The following BICRAL variants were observed in gnomAD, a reference collection of about 807,000 sequenced individuals.
The protein encoded by BICRAL is BICRA like chromatin remodeling complex associated protein, also known as BRD4-interacting chromatin-remodeling complex-associated protein-like.
A neutral mutation model predicts 91.8 loss-of-function variants in BICRAL; 8 were observed. The observed-to-expected ratio is 0.09, with a 90% CI of 0.05 to 0.16. The LOEUF (loss-of-function observed/expected upper bound fraction) is 0.16, where lower values mean the gene tolerates loss of function less well. Ranked by LOEUF, BICRAL falls within the 10% of genes least tolerant of loss-of-function variation. The pLI is 1.00. For missense variants in BICRAL, 1,038 were observed against 1,310.9 expected, an observed-to-expected ratio of 0.79 and a Z score of 3.21; for synonymous variants, 445 against 491.1, an observed-to-expected ratio of 0.91 and a Z score of 1.24.
At chr6:42,796,397 G>A (rs1349157205) in intron 1 of BICRAL, among the ~76,000 whole-genome samples, 2 of 152,162 alleles carry the variant, frequency 1.3e-5, no homozygotes, top group African/African-American at 2.4e-5. Context: ...AGTTCTGGGC[G>A]TGGCAAGGTA....
chr6:42,860,203 G>A, intron 10 of BICRAL, 59 bp from the exon 11 acceptor site: 2 of 958,450 alleles, frequency 2.1e-6, no homozygotes, highest in Non-Finnish European at 3.4e-6. Context: ...TTAAGAAACA[G>A]AAGACCTAGT....
chr6:42,831,942 T>G (rs1438952565), intron 6 of BICRAL, among the ~76,000 whole-genome samples: 1 of 151,794 alleles, frequency 6.6e-6, no homozygotes, highest in Non-Finnish European at 1.5e-5. Context: ...TTTCACCATG[T>G]CGCCCAGGCT....
At chr6:42,760,959 T>A (rs1220425265) in intron 1 of BICRAL, among the ~76,000 whole-genome samples, 1 of 149,626 alleles carries the variant, frequency 6.7e-6, no homozygotes, top group African/African-American at 2.5e-5. Context: ...GAGGTGGAGG[T>A]TGCAGTCAGC....
At chr6:42,757,256 C>T (rs1762476185) in intron 1 of BICRAL, among the ~76,000 whole-genome samples, 1 of 124,424 alleles carries the variant, frequency 8.0e-6, no homozygotes, top group South Asian at 2.5e-4. Flanking sequence ...TTTTTTTTAA[C>T]TCTTTTTTTT....
intron 2 of BICRAL, among the ~76,000 whole-genome samples, chr6:42,812,697 T>C (rs1002659944): frequency 2.6e-5 from 4 of 152,040 alleles, no homozygotes; most frequent in Admixed American, 2.0e-4. Flanking sequence ...TCTGAAGATA[T>C]ATGAATAGAA....
intron 1 of BICRAL, among the ~76,000 whole-genome samples, chr6:42,769,980 T>C (rs1762694599): frequency 6.6e-6 from 1 of 152,200 alleles, no homozygotes; most frequent in African/African-American, 2.4e-5. Context: ...TTGCACAGCC[T>C]ACTGCATTGT....
intron 1 of BICRAL, among the ~76,000 whole-genome samples, chr6:42,797,861 A>G (rs1763457836): frequency 6.6e-6 from 1 of 152,088 alleles, no homozygotes; most frequent in African/African-American, 2.4e-5. Context: ...CTGTAATCCC[A>G]GCTGCTCCAG....
chr6:42,801,496 A>G (rs1181189161), intron 1 of BICRAL, among the ~76,000 whole-genome samples: 1 of 152,126 alleles, frequency 6.6e-6, no homozygotes, highest in Admixed American at 6.6e-5. Flanking sequence ...CTTTTTTACT[A>G]TTTATGACTG....
At chr6:42,864,422 T>C (rs770839518) in intron 12 of BICRAL, among the ~76,000 whole-genome samples, 2 of 152,226 alleles carry the variant, frequency 1.3e-5, no homozygotes, top group Non-Finnish European at 2.9e-5. Context: ...ATCAAGCATC[T>C]ACCTTTTCAA....
intron 6 of BICRAL, among the ~76,000 whole-genome samples, chr6:42,834,537 C>T (rs1369818483): frequency 6.6e-6 from 1 of 152,152 alleles, no homozygotes; most frequent in East Asian, 1.9e-4. Context: ...TTACTAGTAG[C>T]ATTCTAATTT....
At chr6:42,791,532 G>GGAA (rs1763271355) in intron 1 of BICRAL, among the ~76,000 whole-genome samples, 1 of 152,078 alleles carries the variant, frequency 6.6e-6, no homozygotes, top group African/African-American at 2.4e-5. Flanking sequence ...GGCCTGAAAT[G>GGAA]GAAACATTTT....
chr6:42,792,309 C>A (rs1247800504), intron 1 of BICRAL, among the ~76,000 whole-genome samples: 1 of 152,100 alleles, frequency 6.6e-6, no homozygotes, highest in Non-Finnish European at 1.5e-5. Context: ...ATCTTGGTCA[C>A]CCAGGGTTGA....
intron 1 of BICRAL, among the ~76,000 whole-genome samples, chr6:42,767,487 A>G (rs1056119609): frequency 3.3e-5 from 5 of 152,206 alleles, no homozygotes; most frequent in Non-Finnish European, 5.9e-5. Context: ...CATTAGGTCC[A>G]GGGAACACTT....
intron 1 of BICRAL, among the ~76,000 whole-genome samples, chr6:42,752,229 G>A (rs935328840): frequency 6.6e-6 from 1 of 152,134 alleles, no homozygotes; most frequent in Non-Finnish European, 1.5e-5. Flanking sequence ...CTGCCTCAAC[G>A]CCCTTGACCT....
At chr6:42,788,398 A>G (rs538985424) in intron 1 of BICRAL, among the ~76,000 whole-genome samples, 3 of 152,036 alleles carry the variant, frequency 2.0e-5, no homozygotes, top group East Asian at 3.9e-4. Flanking sequence ...CTAATTTTGT[A>G]TTTTTAGTAG....
intron 6 of BICRAL, among the ~76,000 whole-genome samples, chr6:42,833,415 C>T (rs1284790801): frequency 1.3e-5 from 2 of 152,056 alleles, no homozygotes; most frequent in Non-Finnish European, 2.9e-5. Flanking sequence ...ACTACAGGCT[C>T]ATGCCCCGGC....
chr6:42,764,208 C>T (rs1457327307), intron 1 of BICRAL, among the ~76,000 whole-genome samples: 2 of 145,104 alleles, frequency 1.4e-5, no homozygotes, highest in South Asian at 2.2e-4. Context: ...TGCCACTGTA[C>T]TCCAGCCTGG....
In BICRAL at chr6:42,749,705, A is replaced by G. The variant is rs1210836038; in HGVS notation, c.-261+2682A>G. 3.3e-5 allele frequency among the ~76,000 whole-genome samples: 5 copies of G among 152,160 alleles called. No homozygotes were observed. In the East Asian group the frequency reaches 9.6e-4, roughly 29 times the overall value. On this transcript the variant is annotated intron_variant, in intron 1 of 14. Coordinates refer to the BICRAL transcript ENST00000614467. ...AAATAATAATAACTTTTTAAAAAAC[A>G]GTTACCAACTGAGAATCTTGTTTCC...
At chr6:42,808,205 C>T (rs540567766) in intron 1 of BICRAL, among the ~76,000 whole-genome samples, 11 of 151,278 alleles carry the variant, frequency 7.3e-5, no homozygotes, top group African/African-American at 1.9e-4. Flanking sequence ...GATCTTGGCT[C>T]ACTGCAACCT....
Sources: gnomAD v4.1 joint callset for allele counts (sites outside exome capture counted in the v4.1 genomes callset) on GRCh38, gnomAD v4.1.1 for gene constraint, MANE v1.5 for transcripts, NCBI Gene and HGNC (gene_info 2026-07-23, HGNC 2026-07-21) for gene names.